PLEKHA7: variants seen among roughly 807,000 people sequenced by gnomAD.
PLEKHA7 encodes the protein pleckstrin homology domain containing A7, also known as pleckstrin homology domain-containing family A member 7.
PLEKHA7 carries 104 observed loss-of-function variants against 170.0 expected under a neutral mutation model. The observed-to-expected ratio is 0.61, with a 90% CI of 0.52 to 0.72. PLEKHA7 has a LOEUF of 0.72. PLEKHA7 is among the 30% of genes least tolerant of loss of function. The pLI is 0.00. For synonymous variants in PLEKHA7, 648 were observed against 660.8 expected (o/e 0.98, Z 0.30); for missense variants, 1,615 against 1,671.7 (o/e 0.97, Z 0.59).
In PLEKHA7 at chr11:16,957,960, C is replaced by T. The variant is rs541849157; in HGVS notation, c.221+56029G>A. The stretch of plus-strand genomic sequence containing the variant: ...CCTCGTGATCGGCCCACCTCGGCTT[C>T]CCAAAGTGCTGGGATTACAGGTGTG... On this transcript the variant is annotated intron_variant, in intron 3 of 26. Transcript: ENST00000531066. Among the ~76,000 whole-genome samples the T allele has an allele frequency of 1.7e-3, 252 of 152,098 alleles. 1 individual carries two copies. Among genetic ancestry groups the T allele is most frequent in the African/African-American group, 5.7e-3 (237 of 41,564 alleles).
intron 13 of PLEKHA7, among the ~76,000 whole-genome samples, chr11:16,808,844 G>A (rs1303229390): frequency 1.3e-5 from 2 of 152,288 alleles, no homozygotes; most frequent in African/African-American, 2.4e-5. Flanking sequence ...ACAATTCAAC[G>A]AACACGACTT....
chr11:16,782,784 C>T lies in PLEKHA7; in HGVS notation c.3763G>A (p.Glu1255Lys), dbSNP rs750856529. ...IINISYALASEASQRSKQVAA... is the reference protein window; with the variant it reads ...IINISYALASKASQRSKQVAA... ...ACCTGCTTGCTACGCTGGGAGGCCT[C>T]GGAGGCCAGGGCGTAGGAGATGTTG... Residue 1255 changes from glutamate to lysine, a missense_variant, in exon 26 of 27, where the codon GAG becomes AAG. Physicochemically the swap from Glu to Lys is moderately conservative, Grantham distance 56. Transcript: ENST00000531066. 46 of 1,536,006 alleles carry T rather than the reference C, an allele frequency of 3.0e-5. No individual in the cohort carries two copies. In the South Asian group the frequency reaches 4.0e-4, roughly 14 times the overall value.
At chr11:16,882,292 T>C (rs1318182959) in intron 3 of PLEKHA7, among the ~76,000 whole-genome samples, 5 of 152,222 alleles carry the variant, frequency 3.3e-5, no homozygotes, top group Non-Finnish European at 7.3e-5. Context: ...ATACTACCTG[T>C]AGTGAATGTT....
intron 3 of PLEKHA7, among the ~76,000 whole-genome samples, chr11:16,959,739 G>A (rs1166576434): frequency 1.3e-5 from 2 of 152,202 alleles, no homozygotes; most frequent in African/African-American, 4.8e-5. Flanking sequence ...TCTAATCTGT[G>A]TTAATTAACG....
chr11:16,811,348 G>C (rs1011489920), intron 13 of PLEKHA7, among the ~76,000 whole-genome samples: 2 of 152,220 alleles, frequency 1.3e-5, no homozygotes, highest in African/African-American at 2.4e-5. Flanking sequence ...CATAGGCCCA[G>C]GTGCACTATG....
At position 16,937,805 on chromosome 11, in the gene PLEKHA7, T is replaced by C. The variant is rs577639405; in HGVS notation, c.222-66623A>G. Among the ~76,000 whole-genome samples the C allele has an allele frequency of 3.3e-5, 5 of 152,124 alleles. No homozygotes were observed. In the East Asian group the frequency reaches 5.8e-4, roughly 18 times the overall value. On this transcript the variant is annotated intron_variant, in intron 3 of 26. Transcript: ENST00000531066. ...GTATTTTTAGTAGAGATGGTGTTTC[T>C]CCATGTTGGTCAGGCTGGTCTTGAA... is the stretch of plus-strand genomic sequence containing the variant.
chr11:16,982,782 C>CACACACAA (rs1044027927), intron 3 of PLEKHA7, among the ~76,000 whole-genome samples: 2 of 144,202 alleles, frequency 1.4e-5, no homozygotes, highest in African/African-American at 5.3e-5. Context: ...CTATCCCCTA[C>CACACACAA]ACACACACAC....
intron 13 of PLEKHA7, 72 bp from the exon 14 acceptor site, chr11:16,803,367 C>T (rs1234267899): frequency 6.8e-7 from 1 of 1,479,296 alleles, no homozygotes; most frequent in Non-Finnish European, 9.4e-7. Context: ...GAAAATTCAT[C>T]CTATAATGGA....
intron 3 of PLEKHA7, among the ~76,000 whole-genome samples, chr11:16,898,282 A>C (rs1857120163): frequency 6.6e-6 from 1 of 152,198 alleles, no homozygotes; most frequent in South Asian, 2.1e-4. Context: ...TTTTCTGACT[A>C]TGATTGAGAA....
In PLEKHA7 at chr11:16,898,792, T is replaced by C. The variant is rs201710121; in HGVS notation, c.222-27610A>G. Reference sequence around the variant, plus strand: ...CACCCTCCTAACTGGCCTCCTTGCTTCTAGACTTTGTTCCCCCTAGTTCAC... The same window carrying C: ...CACCCTCCTAACTGGCCTCCTTGCTCCTAGACTTTGTTCCCCCTAGTTCAC... On this transcript the variant is annotated intron_variant, in intron 3 of 26. Coordinates refer to ENST00000531066, the MANE Select transcript of PLEKHA7 (RefSeq NM_001329630.2). Among the ~76,000 whole-genome samples, 22 of 152,248 alleles carry C rather than the reference T, an allele frequency of 1.4e-4. 2 individuals are homozygous for C. The East Asian group carries it at 4.3e-3, about 29-fold the overall frequency.
At chr11:16,801,617 C>A in intron 16 of PLEKHA7, 51 bp downstream of exon 16, 2 of 1,605,962 alleles carry the variant, frequency 1.2e-6, no homozygotes, top group Non-Finnish European at 1.7e-6. Flanking sequence ...AGAAAAGCAG[C>A]CCCTTGCTCA....
chr11:16,805,414 C>T (rs1282704097), intron 13 of PLEKHA7, among the ~76,000 whole-genome samples: 1 of 152,166 alleles, frequency 6.6e-6, no homozygotes, highest in Non-Finnish European at 1.5e-5. Flanking sequence ...ACTGAATATA[C>T]ATTCAACCTT....
intron 3 of PLEKHA7, among the ~76,000 whole-genome samples, chr11:16,921,715 A>G (rs569831339): frequency 6.6e-6 from 1 of 152,370 alleles, no homozygotes; most frequent in East Asian, 1.9e-4. Flanking sequence ...TCAATGAGAT[A>G]ATATATGAAC....
chr11:16,863,632 G>A (rs961020312), intron 4 of PLEKHA7, among the ~76,000 whole-genome samples: 1 of 152,154 alleles, frequency 6.6e-6, no homozygotes, highest in Non-Finnish European at 1.5e-5. Flanking sequence ...GCTCGGGAAC[G>A]CTTCTCTCCT....
chr11:16,947,864 C>T (rs1242783586), intron 3 of PLEKHA7, among the ~76,000 whole-genome samples: 1 of 143,096 alleles, frequency 7.0e-6, no homozygotes, highest in Non-Finnish European at 1.5e-5. Flanking sequence ...TGCAGTGAGC[C>T]GAGATCATGC....
chr11:16,886,648 T>C (rs1379989027), intron 3 of PLEKHA7, among the ~76,000 whole-genome samples: 1 of 150,532 alleles, frequency 6.6e-6, no homozygotes, highest in Non-Finnish European at 1.5e-5. Flanking sequence ...GAGGCGGAGG[T>C]TGCAGTGAGT....
intron 3 of PLEKHA7, among the ~76,000 whole-genome samples, chr11:16,934,710 G>A (rs570549817): frequency 5.3e-5 from 8 of 152,006 alleles, no homozygotes; most frequent in African/African-American, 1.9e-4. Flanking sequence ...ATCCACTGTG[G>A]AACAGGATAA....
At chr11:16,906,225 AGG>A in intron 3 of PLEKHA7, among the ~76,000 whole-genome samples, 1 of 5,580 alleles carries the variant, frequency 1.8e-4, no homozygotes, top group African/African-American at 5.3e-4. Flanking sequence ...AAAATGAGGT[AGG>A]AAGGAAGGAA....
intron 9 of PLEKHA7, among the ~76,000 whole-genome samples, chr11:16,835,009 C>G (rs1226051331): frequency 6.6e-6 from 1 of 152,196 alleles, no homozygotes; most frequent in African/African-American, 2.4e-5. Context: ...GTGGCTCATG[C>G]CTGTAATCCT....
Sources: gnomAD v4.1 joint callset for allele counts (sites outside exome capture counted in the v4.1 genomes callset) on GRCh38, gnomAD v4.1.1 for gene constraint, MANE v1.5 for transcripts, NCBI Gene and HGNC (gene_info 2026-07-23, HGNC 2026-07-21) for gene names.